Variants in GNAO1 observed in about 807,000 individuals in gnomAD.
GNAO1 encodes the protein guanine nucleotide-binding protein G(o) subunit alpha.
For missense variants in GNAO1, 166 were observed against 478.7 expected, an observed-to-expected ratio of 0.35 and a Z score of 6.10; for synonymous variants, 164 against 180.7, an observed-to-expected ratio of 0.91 and a Z score of 0.74.
chr16:56,320,201 T>C (rs2587890), intron 3 of GNAO1, among the ~76,000 whole-genome samples: 40 of 152,246 alleles, frequency 2.6e-4, no homozygotes, highest in African/African-American at 8.9e-4. Flanking sequence ...CCATGCCCCA[T>C]AGAAGAGTCC....
At chr16:56,228,334 T>C (rs1375805613) in intron 2 of GNAO1, among the ~76,000 whole-genome samples, 3 of 151,998 alleles carry the variant, frequency 2.0e-5, no homozygotes, top group African/African-American at 7.3e-5. Context: ...TAGTAAAAGA[T>C]GTTTGAGCTG....
chr16:56,245,257 C>G (rs968861017), intron 2 of GNAO1, among the ~76,000 whole-genome samples: 2 of 152,140 alleles, frequency 1.3e-5, no homozygotes, highest in African/African-American at 2.4e-5. Context: ...TCTTAGAAAT[C>G]TGGTGAGCCC....
intron 2 of GNAO1, among the ~76,000 whole-genome samples, chr16:56,252,803 G>T (rs2036811941): frequency 1.3e-5 from 2 of 152,114 alleles, no homozygotes; most frequent in Non-Finnish European, 2.9e-5. Flanking sequence ...CCTTCTTGTG[G>T]GCAGTGGGGT....
At chr16:56,340,636 T>C in intron 6 of GNAO1, 1 of 603,932 alleles carries the variant, frequency 1.7e-6, no homozygotes, top group Non-Finnish European at 3.0e-6. Flanking sequence ...CCGCCCTGCC[T>C]GCGTGTGGAA....
chr16:56,277,332 C>A (rs529123096), intron 3 of GNAO1, among the ~76,000 whole-genome samples: 11 of 152,256 alleles, frequency 7.2e-5, no homozygotes, highest in African/African-American at 2.6e-4. Flanking sequence ...GTCACGGAGC[C>A]AGGGCCTGTG....
chr16:56,270,137 G>C (rs1425098933), intron 2 of GNAO1: 6 of 152,212 alleles, frequency 3.9e-5, no homozygotes, highest in African/African-American at 1.4e-4. Context: ...AGGCGGGCTT[G>C]GTTGCCACCC....
intron 3 of GNAO1, among the ~76,000 whole-genome samples, chr16:56,296,270 T>C (rs1177123985): frequency 2.0e-5 from 3 of 152,196 alleles, no homozygotes; most frequent in African/African-American, 2.4e-5. Context: ...TGTGGGTTTT[T>C]TTTAGACCCC....
intron 2 of GNAO1, 40 bp downstream of exon 2, chr16:56,192,656 A>T: frequency 7.7e-7 from 1 of 1,296,686 alleles, no homozygotes; most frequent in Non-Finnish European, 1.1e-6. Flanking sequence ...TTTTATTAAG[A>T]ATAATTTTTA....
intron 2 of GNAO1, among the ~76,000 whole-genome samples, chr16:56,206,261 A>C (rs1453018032): frequency 6.6e-6 from 1 of 150,798 alleles, no homozygotes; most frequent in Admixed American, 6.6e-5. Context: ...CAGAGGTTGC[A>C]GTGAGCCGAG....
chr16:56,332,715 G>A (rs1462614670), intron 4 of GNAO1, among the ~76,000 whole-genome samples: 5 of 152,232 alleles, frequency 3.3e-5, no homozygotes, highest in East Asian at 1.9e-4. Context: ...CTCCACAGCC[G>A]TCTCCTTGCA....
At chr16:56,302,066 T>G (rs2037350894) in intron 3 of GNAO1, 1 of 152,264 alleles carries the variant, frequency 6.6e-6, no homozygotes, top group Non-Finnish European at 1.5e-5. Flanking sequence ...CACACTGATG[T>G]GAACAGTCTT....
intron 3 of GNAO1, among the ~76,000 whole-genome samples, chr16:56,284,722 C>T (rs548773446): frequency 6.6e-6 from 1 of 152,254 alleles, no homozygotes; most frequent in African/African-American, 2.4e-5. Context: ...TCATCATGCC[C>T]AGTGCTAGCA....
At chr16:56,198,169 A>C (rs2036250783) in intron 2 of GNAO1, among the ~76,000 whole-genome samples, 1 of 152,218 alleles carries the variant, frequency 6.6e-6, no homozygotes, top group Non-Finnish European at 1.5e-5. Context: ...ATACCCACAG[A>C]GTGTGGGTTT....
chr16:56,208,184 T>C (rs1232925502), intron 2 of GNAO1, among the ~76,000 whole-genome samples: 2 of 152,252 alleles, frequency 1.3e-5, no homozygotes, highest in African/African-American at 4.8e-5. Context: ...TTTTCATTGC[T>C]ATATAGTATT....
chr16:56,241,217 C>T (rs2036691190), intron 2 of GNAO1, among the ~76,000 whole-genome samples: 2 of 152,240 alleles, frequency 1.3e-5, no homozygotes, highest in African/African-American at 4.8e-5. Flanking sequence ...CACAGTGATG[C>T]TGGGAGCCTG....
chr16:56,254,618 A>T (rs1401045094), intron 2 of GNAO1, among the ~76,000 whole-genome samples: 1 of 151,936 alleles, frequency 6.6e-6, no homozygotes, highest in African/African-American at 2.4e-5. Flanking sequence ...TTTTGTTTTA[A>T]TTTCTTAACC....
At chr16:56,249,881 T>G (rs1285217562) in intron 2 of GNAO1, among the ~76,000 whole-genome samples, 11 of 152,172 alleles carry the variant, frequency 7.2e-5, no homozygotes, top group Non-Finnish European at 1.5e-5. Context: ...TAGCCCTCAT[T>G]GCACAGATTT....
intron 2 of GNAO1, among the ~76,000 whole-genome samples, chr16:56,200,878 G>T (rs191100890): frequency 6.6e-6 from 1 of 152,132 alleles, no homozygotes; most frequent in African/African-American, 2.4e-5. Context: ...TTTCATTACC[G>T]CCTCAAAAAT....
At chr16:56,198,466 G>T (rs1162611015) in intron 2 of GNAO1, among the ~76,000 whole-genome samples, 1 of 152,188 alleles carries the variant, frequency 6.6e-6, no homozygotes, top group Non-Finnish European at 1.5e-5. Flanking sequence ...AGTTTAGCAT[G>T]CTTCTCTAAA....
Sources: allele counts gnomAD v4.1 joint callset (sites outside exome capture counted in the v4.1 genomes callset), GRCh38; gene constraint gnomAD v4.1.1; transcripts MANE v1.5; gene names NCBI Gene and HGNC (gene_info 2026-07-23, HGNC 2026-07-21).